EMILIN2: variants seen among roughly 807,000 people sequenced by gnomAD.
EMILIN2 encodes the protein EMILIN-2.
Under a neutral mutation model 87.1 loss-of-function variants are expected in EMILIN2, and 71 were observed. The ratio of observed to expected loss-of-function variants is 0.82; its 90% CI spans 0.67 to 0.99. EMILIN2 has a LOEUF of 0.99. EMILIN2 is among the 50% of genes least tolerant of loss of function. The pLI is 0.00. For missense variants in EMILIN2, 1,407 were observed against 1,371.8 expected (o/e 1.03, Z -0.40); for synonymous variants, 581 against 563.4 (o/e 1.03, Z -0.44).
rs888095126 is a variant in EMILIN2, at chr18:2,880,608, A to G, written c.258-4356A>G. On this transcript the variant is annotated intron_variant, in intron 2 of 7. Transcript: ENST00000254528. This position sits in a 1 kb window ranked among gnomAD's most constrained non-coding sequence, Gnocchi z 4.1. ...GGGCTGCAGCCGAGTCCGCCCCTCC[A>G]GCGCTGCGCAGCCCCGCCGCCTTAA... 6.6e-6 allele frequency among the ~76,000 whole-genome samples: 1 copy of G among 152,230 alleles called. No individual in the cohort carries two copies. Among genetic ancestry groups the G allele is most frequent in the Non-Finnish European group, 1.5e-5 (1 of 68,036 alleles).
At position 2,890,505 on chromosome 18, in the gene EMILIN2, G is replaced by A. The variant is rs1374964449; in HGVS notation, c.434-56G>A. 3.4e-5 allele frequency: 51 copies of A among 1,512,258 alleles called. No individual in the cohort carries two copies. The highest frequency in any genetic ancestry group is 4.3e-5 in the Non-Finnish European group (49 of 1,130,690). The allele number at this position is 1,512,258 out of a possible 1,614,324, so 93.7% of individuals were successfully genotyped here. A position where few individuals can be genotyped will look rare whatever the true frequency, so the allele number is the denominator to read the frequency against. On this transcript the variant is annotated intron_variant, in intron 3 of 7. Coordinates refer to ENST00000254528, the MANE Select transcript of EMILIN2 (RefSeq NM_032048.3). This position sits in a 1 kb window ranked among gnomAD's most constrained non-coding sequence, Gnocchi z 4.7. Reference sequence around the variant, plus strand: ...AGGTACCTTGTTTATTGTCTTGGCAGAATCTGGCTAAAGGTAGAAAATGTT... The same window carrying A: ...AGGTACCTTGTTTATTGTCTTGGCAAAATCTGGCTAAAGGTAGAAAATGTT...
Position 2,897,777 on chromosome 18 carries a change from C to G in EMILIN2, c.2359+5291C>G, listed in dbSNP as rs554409763. ...CTTGAGAGGCTGAGGCAGGAGGACC[C>G]CTTGAGCCCAGGAGTCTGAGGCTGC... On this transcript the variant is annotated intron_variant, in intron 4 of 7. Transcript: ENST00000254528. 4.6e-5 allele frequency among the ~76,000 whole-genome samples: 7 copies of G among 151,826 alleles called. No individual in the cohort carries two copies. The East Asian group carries it at 1.4e-3, about 30-fold the overall frequency.
At chr18:2,900,640 C>T (rs2076884258) in intron 4 of EMILIN2, among the ~76,000 whole-genome samples, 1 of 149,278 alleles carries the variant, frequency 6.7e-6, no homozygotes, top group South Asian at 2.2e-4. Flanking sequence ...CCAACTGTTT[C>T]TTCGAAAAAG....
intron 2 of EMILIN2, among the ~76,000 whole-genome samples, chr18:2,857,037 A>T (rs1290677691): frequency 6.6e-6 from 1 of 152,206 alleles, no homozygotes; most frequent in Non-Finnish European, 1.5e-5. Context: ...AATGCTGTAA[A>T]AGCAAACGTT....
chr18:2,899,630 G>A (rs11665361), intron 4 of EMILIN2, among the ~76,000 whole-genome samples: 19,635 of 151,740 alleles, frequency 0.13, 1,666 homozygotes, highest in East Asian at 0.26. Flanking sequence ...TCAGCCACCC[G>A]AATAGCTGGG....
At chr18:2,887,711 A>T (rs546054927) in intron 3 of EMILIN2, among the ~76,000 whole-genome samples, 1 of 152,274 alleles carries the variant, frequency 6.6e-6, no homozygotes, top group East Asian at 1.9e-4. Context: ...TCTTTTCTTC[A>T]CAAATTACCC....
rs375253906 is a variant in EMILIN2 at position 2,891,206 on chromosome 18, G to A, written c.1079G>A (p.Ser360Asn). ...GLQQQCDDYG[S>N]SYLGVIELIG... ...CAGCAGCAGTGTGATGACTATGGGAGCAGCTACCTGGGAGTGATAGAGCTC... is the reference window on the plus strand; with the variant it reads ...CAGCAGCAGTGTGATGACTATGGGAACAGCTACCTGGGAGTGATAGAGCTC... The change falls in exon 4 of 8, where the codon AGC (serine) becomes AAC (asparagine). Residue 360 changes from serine to asparagine, a missense_variant. Ser to Asn is a conservative substitution (Grantham distance 46). Transcript: ENST00000254528. This position sits in a 1 kb window ranked among gnomAD's most constrained non-coding sequence, Gnocchi z 4.6. 21 of 1,614,234 alleles carry A rather than the reference G, an allele frequency of 1.3e-5. No individual in the cohort carries two copies. Among genetic ancestry groups the A allele is most frequent in the Admixed American group, 8.3e-5 (5 of 60,024 alleles).
At chr18:2,885,269 G>A (rs1598496505) in intron 3 of EMILIN2, 130 bp downstream of exon 3, 4 of 961,554 alleles carry the variant, frequency 4.2e-6, no homozygotes, top group Non-Finnish European at 5.8e-6. Context: ...GATACCTGCA[G>A]TAGCCACATG....
Position 2,908,501 on chromosome 18 carries a change from A to G in EMILIN2, c.2663-442A>G, listed in dbSNP as rs377598890. 3.7e-3 allele frequency among the ~76,000 whole-genome samples: 560 copies of G among 152,046 alleles called. 2 individuals carry two copies. The highest frequency in any genetic ancestry group is 6.2e-3 in the Non-Finnish European group (423 of 67,980). Reference sequence around the variant, plus strand: ...CTTCCCTGTGTGCATCCACTCATCCATCTATTTGTCCCTCCACTTCTGCAC... The same window carrying G: ...CTTCCCTGTGTGCATCCACTCATCCGTCTATTTGTCCCTCCACTTCTGCAC... On this transcript the variant is annotated intron_variant, in intron 5 of 7. Coordinates refer to ENST00000254528, the MANE Select transcript of EMILIN2 (RefSeq NM_032048.3).
chr18:2,854,519 G>A (rs1399240115), intron 2 of EMILIN2, among the ~76,000 whole-genome samples: 5 of 152,194 alleles, frequency 3.3e-5, no homozygotes, highest in Admixed American at 1.3e-4. Context: ...TTGGCTGGGC[G>A]TGGTGGCTCA....
At position 2,847,589 on chromosome 18, in the gene EMILIN2, T is replaced by C. The variant is rs947205301; in HGVS notation, c.135-220T>C. Among the ~76,000 whole-genome samples the C allele has an allele frequency of 6.6e-6, 1 of 152,058 alleles. No homozygotes were observed. ...GGAATTCCATGAGCCCCTGGGACCA[T>C]GGGTGCTTTTCTTTCCCGTCTTGGT... On this transcript the variant is annotated intron_variant, in intron 1 of 7. Coordinates refer to ENST00000254528, the MANE Select transcript of EMILIN2 (RefSeq NM_032048.3). This position sits in a 1 kb window ranked among gnomAD's most constrained non-coding sequence, Gnocchi z 4.5.
chr18:2,913,642 AAGAC>A lies in EMILIN2; in HGVS notation c.*239_*242del. ...TCTGCCACTCTAACTGGACAACTGG[AAGAC>A]TTGGAAAGGCCTCCACCTGTATCTA... On this transcript the variant is annotated 3_prime_UTR_variant, in exon 8 of 8. Transcript: ENST00000254528. The A allele has an allele frequency of 8.7e-6, 3 of 345,152 alleles. No homozygotes were observed. Among genetic ancestry groups the A allele is most frequent in the Non-Finnish European group, 1.0e-5 (2 of 193,794 alleles). The allele number at this position is 345,152 out of a possible 1,614,324, so 21.4% of individuals were successfully genotyped here.
intron 4 of EMILIN2, 22 bp from the exon 5 acceptor site, chr18:2,906,761 C>T: frequency 2.4e-6 from 3 of 1,276,380 alleles, no homozygotes; most frequent in African/African-American, 1.6e-5. Flanking sequence ...CCGTGTGTTT[C>T]TTTCTCCCCG....
chr18:2,908,823 G>A (rs1434174442), intron 5 of EMILIN2, 120 bp from the exon 6 acceptor site: 2 of 1,199,770 alleles, frequency 1.7e-6, no homozygotes, highest in Non-Finnish European at 1.2e-6. Flanking sequence ...TTCTATGTCT[G>A]TTTCTATAGT....
chr18:2,847,292 G>A lies in EMILIN2; in HGVS notation c.104G>A (p.Gly35Glu), dbSNP rs1227300183. ...CTGTGCCACGCCGGCCCGCAGCCCG[G>A]GTATCCCGCGCGGCCCAGCGCCAGG... ...AGLCHAGPQPGYPARPSARNK... is the reference protein window; with the variant it reads ...AGLCHAGPQPEYPARPSARNK... Residue 35 changes from glycine (G) to glutamate (E), a missense_variant, in exon 1 of 8, where the codon GGG becomes GAG. By Grantham distance (98) the Gly-to-Glu change is moderately conservative. Transcript: ENST00000254528. This position sits in a 1 kb window ranked among gnomAD's most constrained non-coding sequence, Gnocchi z 4.5. 2 of 1,319,188 alleles carry A rather than the reference G, an allele frequency of 1.5e-6. No individual in the cohort carries two copies. The highest frequency in any genetic ancestry group is 1.9e-6 in the Non-Finnish European group (2 of 1,037,396). 81.7% of individuals were successfully genotyped at this position (1,319,188 alleles called of 1,614,324 possible).
At chr18:2,851,090 G>GAAA (rs113621895) in intron 2 of EMILIN2, among the ~76,000 whole-genome samples, 1 of 130,462 alleles carries the variant, frequency 7.7e-6, no homozygotes, top group African/African-American at 2.8e-5. Flanking sequence ...GGCTCTGATG[G>GAAA]AAAAAAAAAA....
intron 7 of EMILIN2, among the ~76,000 whole-genome samples, chr18:2,912,424 C>T (rs186188194): frequency 1.6e-4 from 25 of 152,296 alleles, no homozygotes; most frequent in East Asian, 7.7e-4. Context: ...ATGTCTGCTG[C>T]GGAGCCCGTG....
At chr18:2,865,179 G>A (rs1047908144) in intron 2 of EMILIN2, among the ~76,000 whole-genome samples, 48 of 151,924 alleles carry the variant, frequency 3.2e-4, no homozygotes, top group African/African-American at 9.5e-4. Flanking sequence ...CCTTTAGCTC[G>A]TAGTAGTTTG....
At chr18:2,900,605 C>T (rs532890005) in intron 4 of EMILIN2, among the ~76,000 whole-genome samples, 1 of 152,340 alleles carries the variant, frequency 6.6e-6, no homozygotes, top group African/African-American at 2.4e-5. Context: ...CCTTGGTGGC[C>T]TGCCCTCCTG....
Sources: allele counts gnomAD v4.1 joint callset (sites outside exome capture counted in the v4.1 genomes callset), GRCh38; gene constraint gnomAD v4.1.1; non-coding constraint Gnocchi (gnomAD v3.1); transcripts MANE v1.5; gene names NCBI Gene and HGNC (gene_info 2026-07-23, HGNC 2026-07-21).